HMX3: variants seen among roughly 807,000 people sequenced by gnomAD.
HMX3 encodes H6 family homeobox 3.
Under a neutral mutation model 22.8 loss-of-function variants are expected in HMX3, and 8 were observed. That is an observed-to-expected ratio of 0.35 (90% CI 0.21 to 0.63). The LOEUF is 0.63. HMX3 is among the 30% of genes least tolerant of loss of function. HMX3 has a pLI of 0.72. For missense variants in HMX3, 527 were observed against 520.6 expected, an observed-to-expected ratio of 1.01 and a Z score of -0.12; for synonymous variants, 331 against 250.9, an observed-to-expected ratio of 1.32 and a Z score of -3.02.
At position 123,136,537 on chromosome 10, in the gene HMX3, C is replaced by T; in HGVS notation, c.400+87C>T. 9.2e-7 allele frequency: 1 copy of T among 1,083,318 alleles called. No individual in the cohort carries two copies. The highest frequency in any genetic ancestry group is 1.2e-6 in the Non-Finnish European group (1 of 825,762). The allele number at this position is 1,083,318 out of a possible 1,614,324, so 67.1% of individuals were successfully genotyped here. On this transcript the variant is annotated intron_variant, in intron 1 of 1. Coordinates refer to ENST00000357878, the MANE Select transcript of HMX3 (RefSeq NM_001105574.2). The surrounding 1 kb of genome is among the most constrained non-coding windows in gnomAD (Gnocchi z 4.8). The stretch of plus-strand genomic sequence containing the variant: ...GCTGCTTCCCTCCGCAGTTCTGGGA[C>T]CCCAGCACCCGCAAACCCTCTGCTC...
At position 123,138,147 on chromosome 10, in the gene HMX3, C is replaced by CTT. The variant is rs71484512; in HGVS notation, c.*429_*430dup. ...AATCCCTCTAGTTTATTCTTTTCTG[C>CTT]TTTTTTTTTTTTTTCCGAGACGGAA... On this transcript the variant is annotated 3_prime_UTR_variant, in exon 2 of 2. Transcript: ENST00000357878. Among the ~76,000 whole-genome samples, 32,432 of 131,872 alleles carry CTT rather than the reference C, an allele frequency of 0.25. 4,491 individuals carry two copies. The highest frequency in any genetic ancestry group is 0.33 in the East Asian group (1,491 of 4,570). The allele number at this position is 131,872 out of a possible 152,430, so 86.5% of individuals were successfully genotyped here.
Position 123,136,933 on chromosome 10 carries a change from G to A in HMX3, c.401-125G>A. 8.7e-7 allele frequency: 1 copy of A among 1,144,620 alleles called. No individual in the cohort carries two copies. Among genetic ancestry groups the A allele is most frequent in the Non-Finnish European group, 1.2e-6 (1 of 831,230 alleles). The allele number at this position is 1,144,620 out of a possible 1,614,324, so 70.9% of individuals were successfully genotyped here. A position where few individuals can be genotyped will look rare whatever the true frequency, so the allele number is the denominator to read the frequency against. On this transcript the variant is annotated intron_variant, in intron 1 of 1. Transcript: ENST00000357878. This position sits in a 1 kb window ranked among gnomAD's most constrained non-coding sequence, Gnocchi z 4.8. ...CGAGAAGGAGGCAGCCCGCGGGAAT[G>A]GTGAGGCCTCATGGCCTGGGACCTG...
rs1844077359 is a variant in HMX3, at chr10:123,136,484, C to T, written c.400+34C>T. 2.3e-6 allele frequency: 3 copies of T among 1,328,422 alleles called. No individual in the cohort carries two copies. Among genetic ancestry groups the T allele is most frequent in the Admixed American group, 3.4e-5 (1 of 29,742 alleles). The allele number at this position is 1,328,422 out of a possible 1,614,324, so 82.3% of individuals were successfully genotyped here. ...CTCTCTTTGAACTTTCGTTGTCCCC[C>T]TGCGCGCCCGCCCCGTCCCCGCCCC... is the stretch of plus-strand genomic sequence containing the variant. On this transcript the variant is annotated intron_variant, in intron 1 of 1. Coordinates refer to ENST00000357878, the MANE Select transcript of HMX3 (RefSeq NM_001105574.2). This position sits in a 1 kb window ranked among gnomAD's most constrained non-coding sequence, Gnocchi z 4.8.
rs1239594446 is a variant in HMX3, at chr10:123,138,381, C to T, written c.*650C>T. 6.6e-6 allele frequency among the ~76,000 whole-genome samples: 1 copy of T among 152,114 alleles called. No homozygotes were observed. The highest frequency in any genetic ancestry group is 1.5e-5 in the Non-Finnish European group (1 of 67,994). Reference sequence around the variant, plus strand: ...GCCAGGCTGGTCTTGAGCTCCTGACCTCGTGATCCGCCCGCCTCGGCCTCC... The same window carrying T: ...GCCAGGCTGGTCTTGAGCTCCTGACTTCGTGATCCGCCCGCCTCGGCCTCC... On this transcript the variant is annotated 3_prime_UTR_variant, in exon 2 of 2. Transcript: ENST00000357878.
chr10:123,137,292 GGAA>G lies in HMX3; in HGVS notation c.640_642del (p.Lys214del). The G allele has an allele frequency of 6.2e-7, 1 of 1,602,340 alleles. No individual in the cohort carries two copies. Among genetic ancestry groups the G allele is most frequent in the Non-Finnish European group, 8.5e-7 (1 of 1,174,770 alleles). ...GCGGCCACTCCGGGCGCAGAAGACT[GGAA>G]GAAGGGCGCTGAAAGTCCAGAGAAG... is the stretch of plus-strand genomic sequence containing the variant. On this transcript the variant is annotated inframe_deletion, in exon 2 of 2. Coordinates refer to ENST00000357878, the MANE Select transcript of HMX3 (RefSeq NM_001105574.2). The surrounding 1 kb of genome is among the most constrained non-coding windows in gnomAD (Gnocchi z 5.8).
rs2133549995 is a variant in HMX3, at chr10:123,137,602, G to T, written c.945G>T (p.Ala315=). The T allele has an allele frequency of 1.3e-6, 2 of 1,580,076 alleles. No homozygotes were observed. Among genetic ancestry groups the T allele is most frequent in the Non-Finnish European group, 1.7e-6 (2 of 1,167,728 alleles). ...CCATCCTCTACCACGAGAACTCGGC[G>T]GCCGAGGGCGCGGCGGCTGCAGCCG... ...RVPILYHENS[A]AEGAAAAAAG... Residue 315 remains alanine (A), a synonymous_variant, in exon 2 of 2, where the codon GCG becomes GCT. Coordinates refer to ENST00000357878, the MANE Select transcript of HMX3 (RefSeq NM_001105574.2). The surrounding 1 kb of genome is among the most constrained non-coding windows in gnomAD (Gnocchi z 5.8).
Position 123,136,600 on chromosome 10 carries a change from G to A in HMX3, c.400+150G>A. The A allele has an allele frequency of 1.8e-6, 1 of 551,054 alleles. No individual in the cohort carries two copies. The highest frequency in any genetic ancestry group is 4.1e-5 in the Admixed American group (1 of 24,434). The allele number at this position is 551,054 out of a possible 1,614,324, so 34.1% of individuals were successfully genotyped here. A position where few individuals can be genotyped will look rare whatever the true frequency, so the allele number is the denominator to read the frequency against. ...TCGGCCCCTAGCCTGCCCTCGCGCT[G>A]GGTTGCGCTGCCCGTTAATCCAATC... On this transcript the variant is annotated intron_variant, in intron 1 of 1. Coordinates refer to ENST00000357878, the MANE Select transcript of HMX3 (RefSeq NM_001105574.2). This position sits in a 1 kb window ranked among gnomAD's most constrained non-coding sequence, Gnocchi z 4.8.
Position 123,139,072 on chromosome 10 carries a change from G to A in HMX3, c.*1341G>A, listed in dbSNP as rs1161996550. Among the ~76,000 whole-genome samples the A allele has an allele frequency of 6.6e-6, 1 of 152,116 alleles. No individual in the cohort carries two copies. Among genetic ancestry groups the A allele is most frequent in the Admixed American group, 6.5e-5 (1 of 15,270 alleles). On this transcript the variant is annotated 3_prime_UTR_variant, in exon 2 of 2. Transcript: ENST00000357878. ...AGAAAAAAGTAGGCAGGGGAAAGGG[G>A]GGAAGAAAGAAACAAGCTTAGGTAG... is the stretch of plus-strand genomic sequence containing the variant.
chr10:123,137,549 G>A lies in HMX3; in HGVS notation c.892G>A (p.Ala298Thr). The change falls in exon 2 of 2, where the codon GCC becomes ACC. Residue 298 changes from alanine (A) to threonine (T), a missense_variant. By Grantham distance (58) the Ala-to-Thr change is moderately conservative. Transcript: ENST00000357878. This position sits in a 1 kb window ranked among gnomAD's most constrained non-coding sequence, Gnocchi z 5.8. Reference sequence around the variant, plus strand: ...GCTGGAGGCGGCCAACCTGAGCCATGCCGCGGCGCAGCGCATCGTGCGGGT... The same window carrying A: ...GCTGGAGGCGGCCAACCTGAGCCATACCGCGGCGCAGCGCATCGTGCGGGT... Reference protein sequence around the residue: ...AELEAANLSHAAAQRIVRVPI... With the variant: ...AELEAANLSHTAAQRIVRVPI... 1.2e-6 allele frequency: 2 copies of A among 1,610,438 alleles called. No individual in the cohort carries two copies.
Position 123,137,967 on chromosome 10 carries a change from C to G in HMX3, c.*236C>G, listed in dbSNP as rs955095415. Among the ~76,000 whole-genome samples the G allele has an allele frequency of 6.6e-6, 1 of 152,098 alleles. No homozygotes were observed. The highest frequency in any genetic ancestry group is 2.4e-5 in the African/African-American group (1 of 41,398). On this transcript the variant is annotated 3_prime_UTR_variant, in exon 2 of 2. Transcript: ENST00000357878. The surrounding 1 kb of genome is among the most constrained non-coding windows in gnomAD (Gnocchi z 5.8). Reference sequence around the variant, plus strand: ...TTCCCCTCTTACTTTTGGTTTTTGGCTTATATTAAGAGAAAGCAGGAACAA... The same window carrying G: ...TTCCCCTCTTACTTTTGGTTTTTGGGTTATATTAAGAGAAAGCAGGAACAA...
rs572441443 is a variant in HMX3, at chr10:123,136,428, C to A, written c.378C>A (p.Gly126=). ...WWYPYTLTPA[G]GHLPRPEASE... is the part of the protein sequence containing the mutation. ...ACCCCTACACCCTGACCCCCGCCGG[C>A]GGCCACCTCCCGCGACCTGAAGGTA... The change falls in exon 1 of 2, where the codon GGC becomes GGA. Residue 126 remains glycine, a synonymous_variant. Transcript: ENST00000357878. The surrounding 1 kb of genome is among the most constrained non-coding windows in gnomAD (Gnocchi z 4.8). 1.5e-5 allele frequency: 22 copies of A among 1,469,178 alleles called. No homozygotes were observed. The highest frequency in any genetic ancestry group is 4.6e-5 in the Admixed American group (2 of 43,042). 91.0% of individuals were successfully genotyped at this position (1,469,178 alleles called of 1,614,324 possible).
In HMX3 at chr10:123,137,350, C is replaced by T. The variant is rs952817338; in HGVS notation, c.693C>T (p.Arg231=). The change falls in exon 2 of 2, where the codon CGC becomes CGT. Residue 231 remains arginine, a synonymous_variant. Coordinates refer to ENST00000357878, the MANE Select transcript of HMX3 (RefSeq NM_001105574.2). The surrounding 1 kb of genome is among the most constrained non-coding windows in gnomAD (Gnocchi z 5.8). The stretch of plus-strand genomic sequence containing the variant: ...CGGCGTGCCGCAAGAAGAAGACGCG[C>T]ACAGTCTTCTCGCGCAGCCAGGTCT... ...KKPACRKKKT[R]TVFSRSQVFQ... 5.0e-6 allele frequency: 8 copies of T among 1,612,990 alleles called. No individual in the cohort carries two copies. The highest frequency in any genetic ancestry group is 1.7e-5 in the Admixed American group (1 of 59,990).
rs750072328 is a variant in HMX3 at position 123,137,097 on chromosome 10, C to T, written c.440C>T (p.Ser147Phe). ...TTGCTGAGAGACTCCTCCCCCGCCT[C>T]CGGCACAGACCGCGACTCTCCGGAG... ...KALLRDSSPA[S>F]GTDRDSPEPL... Residue 147 changes from serine (S) to phenylalanine (F), a missense_variant, in exon 2 of 2, where the codon TCC (serine) becomes TTC (phenylalanine). Physicochemically the swap from Ser to Phe is radical, Grantham distance 155. Transcript: ENST00000357878. The surrounding 1 kb of genome is among the most constrained non-coding windows in gnomAD (Gnocchi z 5.8). 1 of 1,610,950 alleles carries T rather than the reference C, an allele frequency of 6.2e-7. No individual in the cohort carries two copies. Among genetic ancestry groups the T allele is most frequent in the East Asian group, 2.2e-5 (1 of 44,772 alleles).
chr10:123,137,396 G>T lies in HMX3; in HGVS notation c.739G>T (p.Asp247Tyr). Residue 247 changes from aspartate to tyrosine, a missense_variant, in exon 2 of 2, where the codon GAC becomes TAC. By Grantham distance (160) the Asp-to-Tyr change is radical. Transcript: ENST00000357878. The surrounding 1 kb of genome is among the most constrained non-coding windows in gnomAD (Gnocchi z 5.8). ...SQVFQLESTF[D>Y]MKRYLSSSER... ...GGTCTTCCAGCTCGAGTCCACCTTC[G>T]ACATGAAGCGCTATCTGAGCAGCTC... The T allele has an allele frequency of 1.2e-6, 2 of 1,613,464 alleles. No homozygotes were observed. Among genetic ancestry groups the T allele is most frequent in the Non-Finnish European group, 1.7e-6 (2 of 1,179,948 alleles).
Position 123,137,635 on chromosome 10 carries a change from C to G in HMX3, c.978C>G (p.Ala326=). ...AEGAAAAAAG[A]PVPVSQPLLT... Reference sequence around the variant, plus strand: ...GCGCGGCGGCTGCAGCCGCGGGGGCCCCGGTGCCAGTCAGCCAGCCGCTGC... The same window carrying G: ...GCGCGGCGGCTGCAGCCGCGGGGGCGCCGGTGCCAGTCAGCCAGCCGCTGC... The change falls in exon 2 of 2, where the codon GCC becomes GCG. Residue 326 remains alanine, a synonymous_variant. Transcript: ENST00000357878. The surrounding 1 kb of genome is among the most constrained non-coding windows in gnomAD (Gnocchi z 5.8). 6.5e-7 allele frequency: 1 copy of G among 1,527,344 alleles called. No homozygotes were observed. Among genetic ancestry groups the G allele is most frequent in the African/African-American group, 1.4e-5 (1 of 72,404 alleles). The allele number at this position is 1,527,344 out of a possible 1,614,324, so 94.6% of individuals were successfully genotyped here.
At position 123,137,637 on chromosome 10, in the gene HMX3, C is replaced by T. The variant is rs939257736; in HGVS notation, c.980C>T (p.Pro327Leu). 2.0e-6 allele frequency: 3 copies of T among 1,522,754 alleles called. No homozygotes were observed. Among genetic ancestry groups the T allele is most frequent in the Non-Finnish European group, 2.6e-6 (3 of 1,144,208 alleles). The allele number at this position is 1,522,754 out of a possible 1,614,324, so 94.3% of individuals were successfully genotyped here. Residue 327 changes from proline to leucine, a missense_variant, in exon 2 of 2, where the codon CCG (proline) becomes CTG (leucine). Physicochemically the swap from Pro to Leu is moderately conservative, Grantham distance 98. Coordinates refer to ENST00000357878, the MANE Select transcript of HMX3 (RefSeq NM_001105574.2). This position sits in a 1 kb window ranked among gnomAD's most constrained non-coding sequence, Gnocchi z 5.8. Reference protein sequence around the residue: ...EGAAAAAAGAPVPVSQPLLTF... With the variant: ...EGAAAAAAGALVPVSQPLLTF... The stretch of plus-strand genomic sequence containing the variant: ...GCGGCGGCTGCAGCCGCGGGGGCCC[C>T]GGTGCCAGTCAGCCAGCCGCTGCTC...
Position 123,139,345 on chromosome 10 carries a change from G to GA in HMX3, c.*1624dup, listed in dbSNP as rs71245400. On this transcript the variant is annotated 3_prime_UTR_variant, in exon 2 of 2. Transcript: ENST00000357878. The stretch of plus-strand genomic sequence containing the variant: ...GTTGAGTCCCTTTTTAAGAAAAAGA[G>GA]AAAAAAAAAACCCACAAAATATTGT... Among the ~76,000 whole-genome samples, 27,040 of 147,528 alleles carry GA rather than the reference G, an allele frequency of 0.18. 2,607 individuals carry two copies. Among genetic ancestry groups the GA allele is most frequent in the Non-Finnish European group, 0.22 (14,719 of 66,780 alleles).
rs1564773575 is a variant in HMX3 at position 123,136,224 on chromosome 10, A to C, written c.174A>C (p.Pro58=). ...CGCCCCCACGGACGCTCTTCGCGCC[A>C]GCCTCGGCTGCCGCCGCCGCCGCCG... ...PQPPPRTLFA[P]ASAAAAAAAA... is the part of the protein sequence containing the mutation. The change falls in exon 1 of 2, where the codon CCA becomes CCC. Residue 58 remains proline, a synonymous_variant. Transcript: ENST00000357878. The surrounding 1 kb of genome is among the most constrained non-coding windows in gnomAD (Gnocchi z 4.8). The C allele has an allele frequency of 7.5e-7, 1 of 1,324,746 alleles. No individual in the cohort carries two copies. Among genetic ancestry groups the C allele is most frequent in the Admixed American group, 4.1e-5 (1 of 24,116 alleles). 82.1% of individuals were successfully genotyped at this position (1,324,746 alleles called of 1,614,324 possible). A position where few individuals can be genotyped will look rare whatever the true frequency, so the allele number is the denominator to read the frequency against.
Position 123,136,354 on chromosome 10 carries a change from A to T in HMX3, c.304A>T (p.Arg102Trp), listed in dbSNP as rs1280679491. Reference protein sequence around the residue: ...AFPRFEIPAQRFALPAHYLER... With the variant: ...AFPRFEIPAQWFALPAHYLER... ...CCCTCGCTTTGAGATCCCGGCGCAG[A>T]GGTTTGCCCTGCCCGCGCACTACCT... Residue 102 changes from arginine to tryptophan, a missense_variant, in exon 1 of 2, where the codon AGG becomes TGG. By Grantham distance (101) the Arg-to-Trp change is moderately radical. Transcript: ENST00000357878. The surrounding 1 kb of genome is among the most constrained non-coding windows in gnomAD (Gnocchi z 4.8). 6.4e-7 allele frequency: 1 copy of T among 1,570,436 alleles called. No individual in the cohort carries two copies. Among genetic ancestry groups the T allele is most frequent in the Non-Finnish European group, 8.6e-7 (1 of 1,159,528 alleles).
Sources: allele counts gnomAD v4.1 joint callset (sites outside exome capture counted in the v4.1 genomes callset), GRCh38; gene constraint gnomAD v4.1.1; non-coding constraint Gnocchi (gnomAD v3.1); transcripts MANE v1.5; gene names NCBI Gene and HGNC (gene_info 2026-07-23, HGNC 2026-07-21).